Variants in COXFA4 observed in about 807,000 individuals in gnomAD.
COXFA4 encodes the protein cytochrome c oxidase associated subunit FA4, also known as cytochrome c oxidase subunit FA4.
chr7:10,937,111 A>G, the COXFA4 span, among the ~76,000 whole-genome samples: 2 of 152,142 alleles, frequency 1.3e-5, no homozygotes, highest in Non-Finnish European at 2.9e-5. Flanking sequence ...AGTGCTGGAC[A>G]CACACTGATC....
chr7:10,937,293 T>A, the COXFA4 span, among the ~76,000 whole-genome samples: 4 of 151,934 alleles, frequency 2.6e-5, no homozygotes, highest in Non-Finnish European at 5.9e-5. Context: ...TTTTTGGGTT[T>A]TTTTTTTTAG....
the COXFA4 span, among the ~76,000 whole-genome samples, chr7:10,937,656 G>A: frequency 6.6e-6 from 1 of 152,058 alleles, no homozygotes; most frequent in Admixed American, 6.6e-5. Context: ...TATGTTTGGG[G>A]AATCAATAAA....
chr7:10,937,125 G>A, the COXFA4 span, among the ~76,000 whole-genome samples: 319 of 152,236 alleles, frequency 2.1e-3, 2 homozygotes, highest in African/African-American at 7.2e-3. Flanking sequence ...ACTGATCGGG[G>A]ACCCTGTTCT....
the COXFA4 span, chr7:10,937,995 T>A: frequency 1.0e-6 from 1 of 993,482 alleles, no homozygotes; most frequent in South Asian, 1.3e-5. Context: ...TATAATGGAA[T>A]TTTACTCGTA....
chr7:10,938,934 A>G, the COXFA4 span: 2 of 1,478,982 alleles, frequency 1.4e-6, no homozygotes, highest in Non-Finnish European at 1.9e-6. Flanking sequence ...ATCTTCAAAT[A>G]CTTAAAACAC....
chr7:10,938,818 G>T, the COXFA4 span: 2 of 1,612,948 alleles, frequency 1.2e-6, no homozygotes, highest in Non-Finnish European at 1.7e-6. Flanking sequence ...CAAACATCTG[G>T]ATTGAACAAT....
At chr7:10,940,030 T>C in the COXFA4 span, 1 of 1,613,928 alleles carries the variant, frequency 6.2e-7, no homozygotes, top group South Asian at 1.1e-5. Flanking sequence ...GGATGCTTCT[T>C]GGCCTGACCG....
At chr7:10,933,901 C>G in the COXFA4 span, among the ~76,000 whole-genome samples, 3 of 152,020 alleles carry the variant, frequency 2.0e-5, no homozygotes, top group Non-Finnish European at 4.4e-5. Flanking sequence ...TAAAAATATT[C>G]AATTTATTTC....
the COXFA4 span, chr7:10,939,382 G>A: frequency 2.2e-5 from 4 of 182,304 alleles, no homozygotes; most frequent in Non-Finnish European, 3.5e-5. Context: ...CTCTGAAAAC[G>A]TAATGCTACC....
the COXFA4 span, chr7:10,939,782 T>G: frequency 3.3e-6 from 2 of 606,366 alleles, no homozygotes; most frequent in South Asian, 1.9e-5. Context: ...AAACTAGGTT[T>G]TTTTTCCGAG....
chr7:10,935,431 G>C, the COXFA4 span, among the ~76,000 whole-genome samples: 1 of 152,116 alleles, frequency 6.6e-6, no homozygotes, highest in Non-Finnish European at 1.5e-5. Context: ...ATCTTATTTT[G>C]GTCCTGTCTC....
At chr7:10,939,993 T>C in the COXFA4 span, 2 of 1,613,312 alleles carry the variant, frequency 1.2e-6, no homozygotes. Flanking sequence ...GGGAAAACAT[T>C]AGGAGAGCGG....
the COXFA4 span, among the ~76,000 whole-genome samples, chr7:10,936,783 T>A: frequency 6.6e-6 from 1 of 152,154 alleles, no homozygotes; most frequent in Non-Finnish European, 1.5e-5. Flanking sequence ...ACGTCTGTAA[T>A]ACCAGCACTG....
At chr7:10,939,921 G>T in the COXFA4 span, 2 of 1,376,340 alleles carry the variant, frequency 1.5e-6, no homozygotes, top group South Asian at 1.2e-5. Context: ...GACGGTAAGT[G>T]GCTGTAAATG....
At chr7:10,934,414 A>C in the COXFA4 span, among the ~76,000 whole-genome samples, 1 of 150,030 alleles carries the variant, frequency 6.7e-6, no homozygotes, top group African/African-American at 2.4e-5. Context: ...TCAGTAACTT[A>C]AAAAAAAATG....
chr7:10,937,237 G>A, the COXFA4 span, among the ~76,000 whole-genome samples: 2 of 147,668 alleles, frequency 1.4e-5, no homozygotes, highest in African/African-American at 2.6e-5. Flanking sequence ...CACGTCAACT[G>A]TATGGTATGT....
chr7:10,933,436 G>C, the COXFA4 span: 2 of 552,880 alleles, frequency 3.6e-6, no homozygotes, highest in Non-Finnish European at 6.4e-6. Context: ...CATACTTTCA[G>C]CATAAAAAAG....
the COXFA4 span, chr7:10,932,592 T>C: frequency 6.6e-6 from 1 of 152,238 alleles, no homozygotes. Context: ...CAAGTTTCTA[T>C]GATGTGATGA....
the COXFA4 span, chr7:10,938,271 T>C: frequency 1.2e-6 from 1 of 857,934 alleles, no homozygotes; most frequent in South Asian, 1.6e-5. Flanking sequence ...TGTTATTTCA[T>C]TATGAAGTTG....
Sources: gnomAD v4.1 joint callset for allele counts (sites outside exome capture counted in the v4.1 genomes callset) on GRCh38, gnomAD v4.1.1 for gene constraint, MANE v1.5 for transcripts, NCBI Gene and HGNC (gene_info 2026-07-23, HGNC 2026-07-21) for gene names.